FHIT: variants seen among roughly 807,000 people sequenced by gnomAD.
FHIT encodes bis(5'-adenosyl)-triphosphatase.
In FHIT, 19 loss-of-function variants were observed where a neutral mutation model predicts 17.9. The ratio of observed to expected loss-of-function variants is 1.06; its 90% confidence interval spans 0.74 to 1.56. The LOEUF is 1.56. Among genes scored for constraint, FHIT ranks in the 40% most tolerant of loss-of-function variants. The pLI is 0.00. For synonymous variants in FHIT, 81 were observed against 69.7 expected, an observed-to-expected ratio of 1.16 and a Z score of -0.81; for missense variants, 248 against 189.2, an observed-to-expected ratio of 1.31 and a Z score of -1.82.
At chr3:60,351,256 T>C (rs1355230635) in intron 5 of FHIT, among the ~76,000 whole-genome samples, 2 of 152,318 alleles carry the variant, frequency 1.3e-5, no homozygotes, top group African/African-American at 4.8e-5. Flanking sequence ...AGGCACATTG[T>C]TTAGTTTGAC....
chr3:60,305,953 A>C (rs1708651340), intron 5 of FHIT, among the ~76,000 whole-genome samples: 1 of 152,132 alleles, frequency 6.6e-6, no homozygotes, highest in Non-Finnish European at 1.5e-5. Flanking sequence ...ATTCTACCTT[A>C]ATTCTTAATG....
chr3:60,006,808 C>T (rs1699944159), intron 7 of FHIT, among the ~76,000 whole-genome samples: 1 of 152,112 alleles, frequency 6.6e-6, no homozygotes, highest in Non-Finnish European at 1.5e-5. Context: ...AAAATGTCCT[C>T]ATTTTCATGA....
At chr3:59,937,616 C>G (rs2630160) in intron 7 of FHIT, among the ~76,000 whole-genome samples, 1 of 152,166 alleles carries the variant, frequency 6.6e-6, no homozygotes, top group Non-Finnish European at 1.5e-5. Flanking sequence ...TGAAGCTCTC[C>G]TTCTCCCACC....
chr3:60,726,496 G>A (rs2041918977), intron 4 of FHIT, among the ~76,000 whole-genome samples: 1 of 152,166 alleles, frequency 6.6e-6, no homozygotes, highest in Admixed American at 6.5e-5. Context: ...TGTTTTCCCA[G>A]ATGGGTAGTG....
At chr3:59,843,218 A>G (rs1217205198) in intron 8 of FHIT, among the ~76,000 whole-genome samples, 1 of 152,134 alleles carries the variant, frequency 6.6e-6, no homozygotes, top group Non-Finnish European at 1.5e-5. Context: ...AAATCATTTG[A>G]CCACATATGT....
intron 3 of FHIT, among the ~76,000 whole-genome samples, chr3:60,830,857 G>A (rs1702304028): frequency 6.6e-6 from 1 of 152,036 alleles, no homozygotes; most frequent in African/African-American, 2.4e-5. Context: ...TGCATTTATG[G>A]AAGTATTAAA....
chr3:60,283,856 G>A (rs1047761995), intron 5 of FHIT, among the ~76,000 whole-genome samples: 4 of 152,042 alleles, frequency 2.6e-5, no homozygotes, highest in Admixed American at 2.6e-4. Context: ...GTATACAATA[G>A]GGAAAATAAA....
At chr3:59,987,100 TA>T (rs200727969) in intron 7 of FHIT, among the ~76,000 whole-genome samples, 4,731 of 138,174 alleles carry the variant, frequency 0.034, 137 homozygotes, top group Admixed American at 0.087. Flanking sequence ...TATGAAGATA[TA>T]AAAAATCTAT....
At chr3:60,356,919 G>C (rs1003483526) in intron 5 of FHIT, among the ~76,000 whole-genome samples, 1 of 152,152 alleles carries the variant, frequency 6.6e-6, no homozygotes, top group African/African-American at 2.4e-5. Flanking sequence ...AACTGGGCCA[G>C]GTGCTTTACA....
chr3:60,960,610 G>A (rs180920218), intron 3 of FHIT, among the ~76,000 whole-genome samples: 10 of 148,734 alleles, frequency 6.7e-5, no homozygotes, highest in East Asian at 4.1e-4. Context: ...GTGTGGCCCC[G>A]GTGTGTGATG....
intron 5 of FHIT, among the ~76,000 whole-genome samples, chr3:60,518,782 G>A (rs1313781122): frequency 1.3e-5 from 2 of 152,204 alleles, no homozygotes; most frequent in Non-Finnish European, 2.9e-5. Flanking sequence ...GCAGAGGCAG[G>A]CAGATTGCTT....
At chr3:60,567,050 A>C (rs1220862343) in intron 4 of FHIT, among the ~76,000 whole-genome samples, 2 of 149,528 alleles carry the variant, frequency 1.3e-5, no homozygotes, top group Non-Finnish European at 3.0e-5. Context: ...TAATTTATAG[A>C]TTCAATGTCA....
intron 5 of FHIT, among the ~76,000 whole-genome samples, chr3:60,199,965 G>A (rs529155976): frequency 1.2e-4 from 19 of 152,068 alleles, no homozygotes; most frequent in South Asian, 4.1e-4. Context: ...TTCTTTTGTT[G>A]TACTAGGGTT....
chr3:60,842,192 G>A (rs1702743525), intron 3 of FHIT, among the ~76,000 whole-genome samples: 1 of 152,094 alleles, frequency 6.6e-6, no homozygotes, highest in Non-Finnish European at 1.5e-5. Flanking sequence ...GAAGGATGCT[G>A]GAATGCACAG....
At chr3:61,134,211 C>G (rs1317333030) in intron 2 of FHIT, among the ~76,000 whole-genome samples, 1 of 151,924 alleles carries the variant, frequency 6.6e-6, no homozygotes, top group Admixed American at 6.6e-5. Flanking sequence ...GGGGTTGGCT[C>G]ATAAGCCTCA....
rs558937877 is a variant in FHIT, at chr3:59,820,566, T to A, written c.349-68245A>T. On this transcript the variant is annotated intron_variant, in intron 8 of 9. Transcript: ENST00000492590. ...TGCCACCTATTATTATAAATAAAGT[T>A]TTATTGGAACACAGCAATGCTCGTT... Among the ~76,000 whole-genome samples the A allele has an allele frequency of 7.2e-5, 11 of 152,320 alleles. No homozygotes were observed. In the East Asian group the frequency reaches 1.9e-3, roughly 27 times the overall value.
intron 5 of FHIT, among the ~76,000 whole-genome samples, chr3:60,378,518 G>T (rs1266180054): frequency 6.6e-6 from 1 of 151,976 alleles, no homozygotes; most frequent in African/African-American, 2.4e-5. Context: ...ATCATTTGGA[G>T]GTTGAAATAC....
intron 3 of FHIT, among the ~76,000 whole-genome samples, chr3:60,850,323 TTCTCTCTCTCTCTCTCTC>T (rs3046704): frequency 2.5e-5 from 3 of 120,172 alleles, no homozygotes; most frequent in South Asian, 3.4e-4. Context: ...GTGTCTGCAC[TTCTCTCTCTCTCTCTCTC>T]TCTCTCTCTC....
intron 4 of FHIT, among the ~76,000 whole-genome samples, chr3:60,548,399 A>C (rs2036439638): frequency 6.6e-6 from 1 of 152,140 alleles, no homozygotes; most frequent in South Asian, 2.1e-4. Flanking sequence ...AATAAATACA[A>C]ACTTTTTGAG....
Sources: allele counts gnomAD v4.1 joint callset (sites outside exome capture counted in the v4.1 genomes callset), GRCh38; gene constraint gnomAD v4.1.1; transcripts MANE v1.5; gene names NCBI Gene and HGNC (gene_info 2026-07-23, HGNC 2026-07-21).